The following CACNA1A variants were observed in gnomAD, a reference collection of about 807,000 sequenced individuals.
CACNA1A encodes calcium voltage-gated channel subunit alpha1 A, also known as voltage-dependent P/Q-type calcium channel subunit alpha-1A.
A neutral mutation model predicts 262.4 loss-of-function variants in CACNA1A; 57 were observed. That is an observed-to-expected ratio of 0.22 (90% CI 0.18 to 0.27). The LOEUF (loss-of-function observed/expected upper bound fraction) is 0.27, where lower values mean the gene tolerates loss of function less well. Among genes scored for constraint, CACNA1A ranks in the 10% least tolerant of loss-of-function variants. The pLI is 1.00. For synonymous variants in CACNA1A, 1,431 were observed against 1,419.3 expected (o/e 1.01, Z -0.18); for missense variants, 2,526 against 3,562.8 (o/e 0.71, Z 7.41).
intron 9 of CACNA1A, among the ~76,000 whole-genome samples, chr19:13,331,153 A>C (rs1290609189): frequency 6.6e-6 from 1 of 152,156 alleles, no homozygotes; most frequent in African/African-American, 2.4e-5. Flanking sequence ...TTCATTTTAT[A>C]ACCTTCTGGG....
chr19:13,385,937 G>A (rs1268890042), intron 3 of CACNA1A, among the ~76,000 whole-genome samples: 1 of 151,602 alleles, frequency 6.6e-6, no homozygotes, highest in African/African-American at 2.4e-5. Flanking sequence ...CAGGAGGATT[G>A]TTTGAGCTCA....
intron 1 of CACNA1A, among the ~76,000 whole-genome samples, chr19:13,482,120 G>GC (rs1979397086): frequency 6.6e-6 from 1 of 152,100 alleles, no homozygotes; most frequent in Admixed American, 6.5e-5. Flanking sequence ...AAAGAAGAGA[G>GC]CAGATACTGG....
chr19:13,364,062 T>G (rs2059161335), intron 5 of CACNA1A: 1 of 152,198 alleles, frequency 6.6e-6, no homozygotes, highest in African/African-American at 2.4e-5. Flanking sequence ...TGGGAGAGTG[T>G]CTCTGCGCTG....
intron 1 of CACNA1A, among the ~76,000 whole-genome samples, chr19:13,475,159 A>G (rs564204786): frequency 9.8e-5 from 15 of 152,334 alleles, no homozygotes; most frequent in Admixed American, 2.6e-4. Flanking sequence ...ATACATCAAC[A>G]TAATCTTCCT....
Position 13,227,527 on chromosome 19 carries a change from C to A in CACNA1A, c.5529G>T (p.Trp1843Cys). The A allele has an allele frequency of 6.5e-7, 1 of 1,536,714 alleles. No individual in the cohort carries two copies. Residue 1843 changes from tryptophan to cysteine, a missense_variant and splice_region_variant, in exon 37 of 47, where the codon TGG becomes TGT. Physicochemically the swap from Trp to Cys is radical, Grantham distance 215 (BLOSUM62 -2). Around this residue, in one of 17 missense-constraint regions of CACNA1A, gnomAD observed 112 missense variants for 197.2 expected, o/e 0.57. Transcript: ENST00000360228. ...ACATGTCCAGGTAAGGCATGCGGCC[C>A]CTGGCAGCACCGAAAATGAAAAAAA... ...RVWAEYDPAA[W>C]GRMPYLDMYQ...
Position 13,208,813 on chromosome 19 carries a change from C to A in CACNA1A, c.6723G>T (p.Arg2241=). Residue 2241 remains arginine (R), a synonymous_variant, in exon 46 of 47, where the codon CGG becomes CGT. Coordinates refer to ENST00000360228, the MANE Select transcript of CACNA1A (RefSeq NM_001127222.2). ...ERPDHGRARA[R]DQRWSRSPSE... ...TGGGCGAGCGGGACCAGCGCTGGTC[C>A]CGAGCCCGTGCCCGGCCGTGGTCCG... The A allele has an allele frequency of 6.5e-7, 1 of 1,547,722 alleles. No homozygotes were observed.
chr19:13,295,413 C>T (rs1398849448), intron 19 of CACNA1A, among the ~76,000 whole-genome samples: 1 of 152,070 alleles, frequency 6.6e-6, no homozygotes, highest in Admixed American at 6.6e-5. Flanking sequence ...TTCTAATGTC[C>T]CTCAAAGAGG....
At chr19:13,447,552 C>T (rs115031174) in intron 3 of CACNA1A, among the ~76,000 whole-genome samples, 3,474 of 152,264 alleles carry the variant, frequency 0.023, 129 homozygotes, top group African/African-American at 0.078. Flanking sequence ...AGAATTGACT[C>T]ACACAATCAC....
intron 38 of CACNA1A, among the ~76,000 whole-genome samples, chr19:13,223,938 G>A (rs769920411): frequency 6.6e-6 from 1 of 152,120 alleles, no homozygotes; most frequent in Non-Finnish European, 1.5e-5. Context: ...GACCAAGGTG[G>A]GAGGACTGCT....
At chr19:13,492,652 C>T (rs956158062) in intron 1 of CACNA1A, among the ~76,000 whole-genome samples, 15 of 152,080 alleles carry the variant, frequency 9.9e-5, no homozygotes, top group African/African-American at 3.4e-4. Context: ...AAAGGAAGCC[C>T]ATTTTTGTTA....
intron 3 of CACNA1A, among the ~76,000 whole-genome samples, chr19:13,398,460 G>A (rs1183744206): frequency 6.6e-6 from 1 of 152,130 alleles, no homozygotes; most frequent in Non-Finnish European, 1.5e-5. Flanking sequence ...CCATGGATTT[G>A]CCTCTTTGGT....
chr19:13,280,666 C>A (rs1056736719), intron 22 of CACNA1A, among the ~76,000 whole-genome samples: 2 of 151,398 alleles, frequency 1.3e-5, no homozygotes, highest in Non-Finnish European at 2.9e-5. Flanking sequence ...ATTGACCGGG[C>A]GTGGTGGCTC....
intron 1 of CACNA1A, among the ~76,000 whole-genome samples, chr19:13,500,468 G>T (rs777283862): frequency 2.0e-5 from 3 of 152,108 alleles, no homozygotes; most frequent in Non-Finnish European, 2.9e-5. Flanking sequence ...CTCTGACCGG[G>T]ATTTAACACT....
intron 3 of CACNA1A, among the ~76,000 whole-genome samples, chr19:13,373,755 A>G (rs62111195): frequency 0.018 from 2,674 of 152,332 alleles, 33 homozygotes; most frequent in Non-Finnish European, 0.029. Flanking sequence ...GATTACCCCT[A>G]GAGGAGAGAT....
At chr19:13,280,907 C>G (rs1336812279) in intron 22 of CACNA1A, among the ~76,000 whole-genome samples, 1 of 141,428 alleles carries the variant, frequency 7.1e-6, no homozygotes, top group Non-Finnish European at 1.5e-5. Flanking sequence ...CACCACTGCA[C>G]TCCAGCCTGG....
chr19:13,376,783 T>C (rs953785436), intron 3 of CACNA1A, among the ~76,000 whole-genome samples: 1 of 111,456 alleles, frequency 9.0e-6, no homozygotes, highest in Non-Finnish European at 1.9e-5. Context: ...ACACATAATA[T>C]ATGTGACATA....
intron 22 of CACNA1A, 123 bp downstream of exon 22, chr19:13,283,144 A>G (rs1296914757): frequency 5.9e-6 from 7 of 1,182,736 alleles, no homozygotes; most frequent in Non-Finnish European, 8.2e-6. Context: ...ACCAGCAGCC[A>G]TAAGGGCTAT....
chr19:13,419,742 T>C (rs1245725355), intron 3 of CACNA1A, among the ~76,000 whole-genome samples: 2 of 152,032 alleles, frequency 1.3e-5, no homozygotes, highest in Non-Finnish European at 2.9e-5. Context: ...TGTTATCTAA[T>C]TAGACCCAGG....
intron 4 of CACNA1A, among the ~76,000 whole-genome samples, chr19:13,366,777 C>G (rs927013248): frequency 6.6e-6 from 1 of 151,948 alleles, no homozygotes; most frequent in African/African-American, 2.4e-5. Flanking sequence ...GTGTCTTTTC[C>G]TCATTCATAA....
Sources: gnomAD v4.1 joint callset for allele counts (sites outside exome capture counted in the v4.1 genomes callset) on GRCh38, gnomAD v4.1.1 for gene constraint, gnomAD v4.1.1 regional missense constraint, MANE v1.5 for transcripts, NCBI Gene and HGNC (gene_info 2026-07-23, HGNC 2026-07-21) for gene names.